PDLIM5: variants seen among roughly 807,000 people sequenced by gnomAD.
PDLIM5 encodes the protein PDZ and LIM domain 5.
PDLIM5 carries 34 observed loss-of-function variants against 64.2 expected under a neutral mutation model. The observed-to-expected ratio is 0.53, with a 90% CI of 0.40 to 0.71. The LOEUF is 0.71. PDLIM5 is among the 30% of genes least tolerant of loss of function. PDLIM5 has a pLI of 0.00. For synonymous variants in PDLIM5, 253 were observed against 269.1 expected (o/e 0.94, Z 0.59); for missense variants, 683 against 733.6 (o/e 0.93, Z 0.80).
intron 7 of PDLIM5, among the ~76,000 whole-genome samples, chr4:94,596,392 T>C (rs1737071104): frequency 6.6e-6 from 1 of 152,182 alleles, no homozygotes; most frequent in African/African-American, 2.4e-5. Context: ...CCTTCTCTTA[T>C]AATGCTGTTT....
intron 9 of PDLIM5, among the ~76,000 whole-genome samples, chr4:94,647,899 A>G (rs1383744875): frequency 1.3e-5 from 2 of 152,154 alleles, no homozygotes; most frequent in Middle Eastern, 3.2e-3. Flanking sequence ...TAAAAAACAC[A>G]TTCCTTAAAC....
intron 2 of PDLIM5, among the ~76,000 whole-genome samples, chr4:94,515,258 T>C (rs1315780393): frequency 6.6e-6 from 1 of 152,158 alleles, no homozygotes; most frequent in Non-Finnish European, 1.5e-5. Flanking sequence ...TTCTTTAATA[T>C]CTTTTCTTAG....
At chr4:94,542,417 T>C (rs116717930) in intron 3 of PDLIM5, among the ~76,000 whole-genome samples, 3,181 of 152,242 alleles carry the variant, frequency 0.021, 31 homozygotes, top group South Asian at 0.034. Flanking sequence ...GGAGATTACA[T>C]TTATTATGTT....
At chr4:94,542,679 T>A (rs1187219786) in intron 3 of PDLIM5, among the ~76,000 whole-genome samples, 1 of 152,212 alleles carries the variant, frequency 6.6e-6, no homozygotes, top group Non-Finnish European at 1.5e-5. Context: ...TGAATCTTTT[T>A]TCTTTATTAA....
intron 7 of PDLIM5, among the ~76,000 whole-genome samples, chr4:94,609,718 C>A (rs138847335): frequency 6.6e-6 from 1 of 152,056 alleles, no homozygotes; most frequent in Non-Finnish European, 1.5e-5. Flanking sequence ...TAAAATGTCA[C>A]GCTGTCAGTA....
intron 7 of PDLIM5, chr4:94,610,184 T>C: frequency 2.6e-6 from 4 of 1,526,950 alleles, no homozygotes; most frequent in Non-Finnish European, 1.8e-6. Context: ...ACAGGAAATG[T>C]GGAAGATTCT....
intron 3 of PDLIM5, among the ~76,000 whole-genome samples, chr4:94,525,782 T>G (rs572780260): frequency 6.6e-6 from 1 of 152,230 alleles, no homozygotes; most frequent in Non-Finnish European, 1.5e-5. Context: ...GTGGGACTGC[T>G]GAATCAATGT....
At chr4:94,537,917 T>C in intron 3 of PDLIM5, among the ~76,000 whole-genome samples, 1 of 152,328 alleles carries the variant, frequency 6.6e-6, no homozygotes, top group East Asian at 1.9e-4. Context: ...ATACTTCTTC[T>C]CTAAAAGTTG....
chr4:94,633,440 A>C (rs1047897103), intron 8 of PDLIM5, among the ~76,000 whole-genome samples: 19 of 152,220 alleles, frequency 1.2e-4, no homozygotes, highest in African/African-American at 4.6e-4. Flanking sequence ...AAACTGTCCC[A>C]TCTACTTCTT....
chr4:94,524,109 C>T (rs912146160), intron 3 of PDLIM5, among the ~76,000 whole-genome samples: 1 of 152,060 alleles, frequency 6.6e-6, no homozygotes, highest in Non-Finnish European at 1.5e-5. Context: ...ATTGTGTGGG[C>T]CTGTAATCCC....
At chr4:94,540,532 G>A (rs1395040914) in intron 3 of PDLIM5, among the ~76,000 whole-genome samples, 1 of 152,156 alleles carries the variant, frequency 6.6e-6, no homozygotes, top group African/African-American at 2.4e-5. Context: ...TATGTGTAGG[G>A]AGAGAAAAAA....
intron 2 of PDLIM5, among the ~76,000 whole-genome samples, chr4:94,513,161 A>T (rs1186267597): frequency 6.6e-6 from 1 of 152,078 alleles, no homozygotes; most frequent in Non-Finnish European, 1.5e-5. Context: ...AAATAAGGTA[A>T]TGTGATTCCT....
chr4:94,620,931 C>T (rs1261279329), intron 8 of PDLIM5, among the ~76,000 whole-genome samples: 1 of 145,806 alleles, frequency 6.9e-6, no homozygotes, highest in Non-Finnish European at 1.5e-5. Context: ...GTTAGCCAGG[C>T]GTGGTGGTGG....
At chr4:94,659,060 A>G (rs557993001) in intron 11 of PDLIM5, among the ~76,000 whole-genome samples, 12 of 152,378 alleles carry the variant, frequency 7.9e-5, no homozygotes, top group Non-Finnish European at 1.2e-4. Flanking sequence ...TAAATACTAA[A>G]TAATTACTTA....
chr4:94,627,034 T>C (rs1739753954), intron 8 of PDLIM5, among the ~76,000 whole-genome samples: 1 of 152,208 alleles, frequency 6.6e-6, no homozygotes, highest in South Asian at 2.1e-4. Flanking sequence ...TGGATAGATT[T>C]ATTGGTTCCA....
intron 11 of PDLIM5, among the ~76,000 whole-genome samples, chr4:94,660,889 A>T (rs1049367701): frequency 6.6e-6 from 1 of 151,036 alleles, no homozygotes; most frequent in Non-Finnish European, 1.5e-5. Flanking sequence ...CCTGGGCAAG[A>T]TGGGGAAACC....
intron 7 of PDLIM5, chr4:94,611,077 C>G (rs1251873168): frequency 2.6e-6 from 4 of 1,534,156 alleles, no homozygotes; most frequent in Non-Finnish European, 3.5e-6. Context: ...AGGCTCTACA[C>G]TCCTGAAAGA....
At chr4:94,643,344 G>A (rs1052371179) in intron 9 of PDLIM5, among the ~76,000 whole-genome samples, 3 of 151,988 alleles carry the variant, frequency 2.0e-5, no homozygotes, top group South Asian at 4.2e-4. Flanking sequence ...GTTTGCTATG[G>A]GACATTTTCA....
Position 94,665,941 on chromosome 4 carries a change from T to A in PDLIM5, c.*1874T>A. ...CCACATGGAGACAGGGAAACAATTG[T>A]GGTAAAACTGTGGATCCTGTTGCTA... On this transcript the variant is annotated 3_prime_UTR_variant, in exon 13 of 13. Coordinates refer to ENST00000317968, the MANE Select transcript of PDLIM5 (RefSeq NM_006457.5). 2 of 1,516,686 alleles carry A rather than the reference T, an allele frequency of 1.3e-6. No individual in the cohort carries two copies. The highest frequency in any genetic ancestry group is 1.8e-6 in the Non-Finnish European group (2 of 1,138,964). 94.0% of individuals were successfully genotyped at this position (1,516,686 alleles called of 1,614,324 possible).
Sources: gnomAD v4.1 joint callset for allele counts (sites outside exome capture counted in the v4.1 genomes callset) on GRCh38, gnomAD v4.1.1 for gene constraint, MANE v1.5 for transcripts, NCBI Gene and HGNC (gene_info 2026-07-23, HGNC 2026-07-21) for gene names.